The following EXOC6B variants were observed in gnomAD, a reference collection of about 807,000 sequenced individuals.
EXOC6B encodes the protein exocyst complex component 6B.
Under a neutral mutation model 113.5 loss-of-function variants are expected in EXOC6B, and 54 were observed. The ratio of observed to expected loss-of-function variants is 0.48; its 90% CI spans 0.38 to 0.60. EXOC6B has a LOEUF of 0.60. Ranked by LOEUF, EXOC6B falls within the 20% of genes least tolerant of loss-of-function variation. The pLI is 0.00. For synonymous variants in EXOC6B, 357 were observed against 339.0 expected (o/e 1.05, Z -0.58); for missense variants, 797 against 977.5 (o/e 0.82, Z 2.46).
chr2:72,668,646 C>G (rs1008606342), intron 6 of EXOC6B, among the ~76,000 whole-genome samples: 1 of 152,114 alleles, frequency 6.6e-6, no homozygotes, highest in Admixed American at 6.5e-5. Flanking sequence ...AGCCATTATC[C>G]TAAGTAAACT....
chr2:72,496,467 A>G lies in EXOC6B; in HGVS notation c.1430T>C (p.Ile477Thr), dbSNP rs373678197. The G allele has an allele frequency of 4.4e-6, 7 of 1,588,498 alleles. No homozygotes were observed. Among genetic ancestry groups the G allele is most frequent in the African/African-American group, 4.0e-5 (3 of 74,632 alleles). Reference protein sequence around the residue: ...KVVGQFPFQDIELEKQPFPKK... With the variant: ...KVVGQFPFQDTELEKQPFPKK... ...AGTATTCCTTACCTTTTCCAGTTCT[A>G]TATCTTGAAATGGGAATTGTCCTAC... is the stretch of plus-strand genomic sequence containing the variant. The change falls in exon 14 of 22, where the codon ATA becomes ACA. Residue 477 changes from isoleucine (I) to threonine (T), a missense_variant. Transcript: ENST00000272427.
At chr2:72,822,517 C>T (rs905028812) in intron 1 of EXOC6B, among the ~76,000 whole-genome samples, 1 of 152,100 alleles carries the variant, frequency 6.6e-6, no homozygotes. Flanking sequence ...AAAAGTCAAG[C>T]CACTGTGACT....
intron 6 of EXOC6B, among the ~76,000 whole-genome samples, chr2:72,655,956 T>C (rs939947307): frequency 2.6e-5 from 4 of 152,110 alleles, no homozygotes; most frequent in African/African-American, 9.7e-5. Context: ...CTATTGTAAA[T>C]ATGTCAATTA....
chr2:72,235,696 T>A (rs1681917773), intron 20 of EXOC6B, among the ~76,000 whole-genome samples: 1 of 152,148 alleles, frequency 6.6e-6, no homozygotes, highest in Admixed American at 6.6e-5. Flanking sequence ...GACCCCTTTC[T>A]CAGCCACAGC....
intron 6 of EXOC6B, among the ~76,000 whole-genome samples, chr2:72,657,899 G>A (rs903537132): frequency 2.0e-5 from 3 of 151,266 alleles, no homozygotes; most frequent in African/African-American, 7.3e-5. Flanking sequence ...AACACACACT[G>A]AAACTATATC....
chr2:72,493,778 T>C (rs1181206692), intron 15 of EXOC6B, among the ~76,000 whole-genome samples: 1 of 152,156 alleles, frequency 6.6e-6, no homozygotes, highest in Non-Finnish European at 1.5e-5. Flanking sequence ...TGTCAATATG[T>C]ATAATGCTTT....
chr2:72,709,158 C>T (rs758971110), intron 6 of EXOC6B, among the ~76,000 whole-genome samples: 2 of 151,966 alleles, frequency 1.3e-5, no homozygotes, highest in Non-Finnish European at 2.9e-5. Context: ...TCTTCTAGAT[C>T]ATCCTTAAGT....
intron 20 of EXOC6B, among the ~76,000 whole-genome samples, chr2:72,217,929 T>G (rs1168001802): frequency 6.6e-6 from 1 of 152,208 alleles, no homozygotes; most frequent in African/African-American, 2.4e-5. Context: ...CTAAGCATTT[T>G]TATATATTAT....
At chr2:72,667,690 G>C (rs752659723) in intron 6 of EXOC6B, among the ~76,000 whole-genome samples, 3 of 152,132 alleles carry the variant, frequency 2.0e-5, no homozygotes, top group Non-Finnish European at 4.4e-5. Context: ...AATGAAACTG[G>C]ACCCCTACCT....
At chr2:72,426,991 G>T (rs1312403798) in intron 18 of EXOC6B, among the ~76,000 whole-genome samples, 2 of 152,206 alleles carry the variant, frequency 1.3e-5, no homozygotes, top group African/African-American at 4.8e-5. Flanking sequence ...GGGCTCCCAG[G>T]CCCGGAGCCT....
intron 18 of EXOC6B, among the ~76,000 whole-genome samples, chr2:72,387,756 G>A (rs1378309344): frequency 6.6e-6 from 1 of 151,724 alleles, no homozygotes; most frequent in Non-Finnish European, 1.5e-5. Context: ...CTTAACCAAT[G>A]TATTTTTTTT....
At chr2:72,755,886 T>C (rs948845664) in intron 1 of EXOC6B, among the ~76,000 whole-genome samples, 2 of 152,102 alleles carry the variant, frequency 1.3e-5, no homozygotes, top group South Asian at 4.1e-4. Flanking sequence ...GGTGGAAATT[T>C]TTTATGGTAC....
At chr2:72,633,999 A>G (rs976104164) in intron 6 of EXOC6B, among the ~76,000 whole-genome samples, 22 of 152,270 alleles carry the variant, frequency 1.4e-4, no homozygotes, top group Middle Eastern at 6.8e-3. Flanking sequence ...TAAATAGGAG[A>G]GTAGGACAAC....
chr2:72,201,277 G>A (rs559494810), intron 20 of EXOC6B, among the ~76,000 whole-genome samples: 103 of 152,190 alleles, frequency 6.8e-4, no homozygotes, highest in African/African-American at 2.3e-3. Context: ...ATACTACAAT[G>A]TATTCATCAA....
intron 2 of EXOC6B, among the ~76,000 whole-genome samples, chr2:72,737,950 T>C (rs1274086231): frequency 4.6e-5 from 7 of 152,216 alleles, no homozygotes; most frequent in Non-Finnish European, 8.8e-5. Flanking sequence ...GTTTAGAACA[T>C]TTCTATATAT....
At chr2:72,590,883 G>A (rs1313841614) in intron 6 of EXOC6B, among the ~76,000 whole-genome samples, 1 of 151,826 alleles carries the variant, frequency 6.6e-6, no homozygotes, top group African/African-American at 2.4e-5. Flanking sequence ...TTATAACAAT[G>A]AATTAAAAAG....
chr2:72,403,787 G>A (rs1478464222), intron 18 of EXOC6B, among the ~76,000 whole-genome samples: 1 of 152,138 alleles, frequency 6.6e-6, no homozygotes, highest in Non-Finnish European at 1.5e-5. Context: ...CGTGAGCGAC[G>A]CATAAGACTG....
chr2:72,220,573 T>C (rs1680804348), intron 20 of EXOC6B, among the ~76,000 whole-genome samples: 1 of 152,222 alleles, frequency 6.6e-6, no homozygotes, highest in Non-Finnish European at 1.5e-5. Context: ...GTATTTCGGA[T>C]CTTCAGGCTA....
intron 1 of EXOC6B, among the ~76,000 whole-genome samples, chr2:72,802,574 C>A (rs1241384564): frequency 6.6e-6 from 1 of 151,886 alleles, no homozygotes; most frequent in Non-Finnish European, 1.5e-5. Flanking sequence ...GATAATGTGG[C>A]TTTAAGTAAT....
Sources: gnomAD v4.1 joint callset for allele counts (sites outside exome capture counted in the v4.1 genomes callset) on GRCh38, gnomAD v4.1.1 for gene constraint, MANE v1.5 for transcripts, NCBI Gene and HGNC (gene_info 2026-07-23, HGNC 2026-07-21) for gene names.